Variants in FREM3 observed in about 807,000 individuals in gnomAD.
FREM3 encodes FRAS1-related extracellular matrix protein 3.
FREM3 carries 105 observed loss-of-function variants against 129.1 expected under a neutral mutation model. The ratio of observed to expected loss-of-function variants is 0.81; its 90% CI spans 0.69 to 0.96. The LOEUF is 0.96. Among genes scored for constraint, FREM3 ranks in the 40% least tolerant of loss-of-function variants. FREM3 has a pLI of 0.00. For missense variants in FREM3, 2,593 were observed against 2,666.3 expected (o/e 0.97, Z 0.61); for synonymous variants, 1,014 against 1,044.9 (o/e 0.97, Z 0.57).
At position 143,697,445 on chromosome 4, in the gene FREM3, G is replaced by A; in HGVS notation, c.3231C>T (p.Ser1077=). ...NVGPKVFVGE[S]FIVYEGEKNS... ...TCTTCTCACCTTCATAGACAATGAAGGACTCCCCGACGAAGACCTTGGGTC... is the reference window on the plus strand; with the variant it reads ...TCTTCTCACCTTCATAGACAATGAAAGACTCCCCGACGAAGACCTTGGGTC... Residue 1077 remains serine (S), a synonymous_variant, in exon 1 of 8, where the codon TCC becomes TCT. Transcript: ENST00000329798. 1.3e-6 allele frequency: 2 copies of A among 1,537,166 alleles called. No homozygotes were observed. The highest frequency in any genetic ancestry group is 1.7e-6 in the Non-Finnish European group (2 of 1,146,856).
chr4:143,665,073 C>T (rs566580783), intron 2 of FREM3, among the ~76,000 whole-genome samples: 52 of 152,232 alleles, frequency 3.4e-4, no homozygotes, highest in African/African-American at 1.1e-3. Flanking sequence ...TGCTTTGGCT[C>T]GCGCACGGTG....
Position 143,700,088 on chromosome 4 carries a change from G to T in FREM3, c.588C>A (p.Ala196=), listed in dbSNP as rs1316764237. The change falls in exon 1 of 8, where the codon GCC becomes GCA. Residue 196 remains alanine, a synonymous_variant. Coordinates refer to ENST00000329798, the MANE Select transcript of FREM3 (RefSeq NM_001168235.2). ...TGGCCGTGGCTCCAGACTTCAGGGA[G>T]GCGAAGTCCAGCACTCTCCTGTCTA... The part of the protein sequence containing the change: ...RAIDRRVLDF[A]SLKSGATATR... The T allele has an allele frequency of 7.8e-6, 12 of 1,533,400 alleles. No individual in the cohort carries two copies. The highest frequency in any genetic ancestry group is 1.0e-5 in the Non-Finnish European group (12 of 1,144,066). The allele number at this position is 1,533,400 out of a possible 1,614,324, so 95.0% of individuals were successfully genotyped here.
At chr4:143,592,487 C>T (rs1240409222) in intron 6 of FREM3, among the ~76,000 whole-genome samples, 2 of 152,150 alleles carry the variant, frequency 1.3e-5, no homozygotes, top group Non-Finnish European at 2.9e-5. Context: ...TTTTATTTCT[C>T]CTTTGCTTGT....
intron 2 of FREM3, among the ~76,000 whole-genome samples, chr4:143,686,028 C>T (rs1740357992): frequency 6.6e-6 from 1 of 152,028 alleles, no homozygotes; most frequent in South Asian, 2.1e-4. Flanking sequence ...TGATACAGAA[C>T]CGCAGAATGG....
At position 143,691,339 on chromosome 4, in the gene FREM3, A is replaced by C. The variant is rs539260851; in HGVS notation, c.5275+1774T>G. On this transcript the variant is annotated intron_variant, in intron 2 of 7. Coordinates refer to ENST00000329798, the MANE Select transcript of FREM3 (RefSeq NM_001168235.2). Reference sequence around the variant, plus strand: ...ATACTGCTCGGGTGATGGGTACATGAAAATCTCACAAATCACCACCAAAGA... The same window carrying C: ...ATACTGCTCGGGTGATGGGTACATGCAAATCTCACAAATCACCACCAAAGA... Among the ~76,000 whole-genome samples, 3 of 152,144 alleles carry C rather than the reference A, an allele frequency of 2.0e-5. No homozygotes were observed. The South Asian group carries it at 6.2e-4, about 32-fold the overall frequency.
intron 2 of FREM3, among the ~76,000 whole-genome samples, chr4:143,657,581 TCA>T (rs1056470777): frequency 4.6e-5 from 7 of 152,200 alleles, no homozygotes; most frequent in African/African-American, 1.7e-4. Flanking sequence ...AAGGTTTTAA[TCA>T]GTTACTGGAA....
chr4:143,625,910 C>T (rs752099743), intron 3 of FREM3, among the ~76,000 whole-genome samples: 10 of 152,080 alleles, frequency 6.6e-5, no homozygotes, highest in Non-Finnish European at 1.0e-4. Flanking sequence ...ATCATTATTA[C>T]GAATTCCCCT....
chr4:143,696,302 A>T lies in FREM3; in HGVS notation c.4374T>A (p.Asp1458Glu). The T allele has an allele frequency of 2.0e-6, 3 of 1,537,574 alleles. No homozygotes were observed. Among genetic ancestry groups the T allele is most frequent in the Non-Finnish European group, 1.7e-6 (2 of 1,146,974 alleles). The change falls in exon 1 of 8, where the codon GAT becomes GAA. Residue 1458 changes from aspartate to glutamate, a missense_variant. Coordinates refer to ENST00000329798, the MANE Select transcript of FREM3 (RefSeq NM_001168235.2). ...LLTNSDINSS[D>E]EHHFSITRAP... ...CCCGTGTAATGCTAAAGTGATGTTCATCAGAGCTGTTGATGTCACTGTTGG... is the reference window on the plus strand; with the variant it reads ...CCCGTGTAATGCTAAAGTGATGTTCTTCAGAGCTGTTGATGTCACTGTTGG...
At chr4:143,580,065 C>T (rs1323437468) in intron 7 of FREM3, among the ~76,000 whole-genome samples, 1 of 152,080 alleles carries the variant, frequency 6.6e-6, no homozygotes, top group Non-Finnish European at 1.5e-5. Flanking sequence ...GATACATACA[C>T]AGTGAGAAAT....
intron 5 of FREM3, among the ~76,000 whole-genome samples, chr4:143,617,865 T>A (rs1738878654): frequency 6.6e-6 from 1 of 152,136 alleles, no homozygotes; most frequent in African/African-American, 2.4e-5. Context: ...CGGGGTGTGG[T>A]TGAGGCTGGA....
chr4:143,688,662 G>A (rs1740410982), intron 2 of FREM3, among the ~76,000 whole-genome samples: 1 of 152,082 alleles, frequency 6.6e-6, no homozygotes, highest in Non-Finnish European at 1.5e-5. Flanking sequence ...GCGTGGTACT[G>A]GTACAAAAAT....
chr4:143,598,996 T>C (rs1160515215), intron 6 of FREM3, among the ~76,000 whole-genome samples: 1 of 152,212 alleles, frequency 6.6e-6, no homozygotes, highest in Non-Finnish European at 1.5e-5. Flanking sequence ...CACATGACTG[T>C]AGCTGGTTTT....
rs1373754867 is a variant in FREM3 at position 143,699,953 on chromosome 4, G to A, written c.723C>T (p.Asp241=). ...CCCCAGCACGGAGGAAAGCCTCACA[G>A]TCTACGCCCTTGCCCCTGGGGAGAG... ...GAPLPRGKGV[D]CEAFLRAGVR... is the part of the protein sequence containing the mutation. Residue 241 remains aspartate (D), a synonymous_variant, in exon 1 of 8, where the codon GAC becomes GAT. Coordinates refer to ENST00000329798, the MANE Select transcript of FREM3 (RefSeq NM_001168235.2). The surrounding 1 kb of genome is among the most constrained non-coding windows in gnomAD (Gnocchi z 4.2). The A allele has an allele frequency of 6.6e-7, 1 of 1,525,006 alleles. No homozygotes were observed. The highest frequency in any genetic ancestry group is 8.8e-7 in the Non-Finnish European group (1 of 1,139,534). The allele number at this position is 1,525,006 out of a possible 1,614,324, so 94.5% of individuals were successfully genotyped here. A position where few individuals can be genotyped will look rare whatever the true frequency, so the allele number is the denominator to read the frequency against.
chr4:143,619,433 G>A (rs13110695), intron 5 of FREM3, among the ~76,000 whole-genome samples: 52,645 of 151,936 alleles, frequency 0.35, 10,405 homozygotes, highest in Middle Eastern at 0.47. Flanking sequence ...CTTGCTGTGC[G>A]CAAGCAGAAT....
At position 143,696,587 on chromosome 4, in the gene FREM3, T is replaced by C. The variant is rs1740573465; in HGVS notation, c.4089A>G (p.Gly1363=). Residue 1363 remains glycine (G), a synonymous_variant, in exon 1 of 8, where the codon GGA becomes GGG. Transcript: ENST00000329798. The part of the protein sequence containing the change: ...GLLQRLRKPR[G]EVRNNLTLGM... ...CCAGAGTAAGATTGTTCCTCACTTC[T>C]CCTCTGGGTTTTCTCAGCCTCTGTA... 6.5e-7 allele frequency: 1 copy of C among 1,537,602 alleles called. No individual in the cohort carries two copies. Among genetic ancestry groups the C allele is most frequent in the Admixed American group, 2.0e-5 (1 of 51,004 alleles).
chr4:143,622,468 A>G (rs1345152469), intron 4 of FREM3, among the ~76,000 whole-genome samples: 1 of 150,140 alleles, frequency 6.7e-6, no homozygotes, highest in Non-Finnish European at 1.5e-5. Context: ...TTCAATGTTA[A>G]ATTATCTAGC....
At chr4:143,657,273 C>T (rs1467615885) in intron 2 of FREM3, among the ~76,000 whole-genome samples, 2 of 152,170 alleles carry the variant, frequency 1.3e-5, no homozygotes, top group South Asian at 2.1e-4. Context: ...TTTCTTTTCT[C>T]CATAAAGTAG....
chr4:143,663,979 C>T (rs1264743385), intron 2 of FREM3, among the ~76,000 whole-genome samples: 1 of 152,116 alleles, frequency 6.6e-6, no homozygotes, highest in African/African-American at 2.4e-5. Flanking sequence ...TCTAGTCATA[C>T]ATTCATCTAA....
intron 6 of FREM3, among the ~76,000 whole-genome samples, chr4:143,607,510 A>G (rs746081500): frequency 1.3e-5 from 2 of 152,154 alleles, no homozygotes; most frequent in African/African-American, 2.4e-5. Context: ...TAGAAGAGGA[A>G]TTGAAGATTT....
Sources: gnomAD v4.1 joint callset for allele counts (sites outside exome capture counted in the v4.1 genomes callset) on GRCh38, gnomAD v4.1.1 for gene constraint, Gnocchi (gnomAD v3.1) non-coding constraint, MANE v1.5 for transcripts, NCBI Gene and HGNC (gene_info 2026-07-23, HGNC 2026-07-21) for gene names.